Variants in MAP4K3 observed in about 807,000 individuals in gnomAD.
MAP4K3 encodes MAPK/ERK kinase kinase kinase 3.
Under a neutral mutation model 143.5 loss-of-function variants are expected in MAP4K3, and 94 were observed. That is an observed-to-expected ratio of 0.65 (90% confidence interval 0.55 to 0.78). The LOEUF (loss-of-function observed/expected upper bound fraction) is 0.78. Among genes scored for constraint, MAP4K3 ranks in the 30% least tolerant of loss-of-function variants. The pLI, the probability that MAP4K3 is intolerant of heterozygous loss-of-function variation, is 0.00. For synonymous variants in MAP4K3, 416 were observed against 347.2 expected (o/e 1.20, Z -2.20); for missense variants, 1,077 against 1,068.1 (o/e 1.01, Z -0.12).
At chr2:39,399,486 T>C (rs747244001) in intron 1 of MAP4K3, among the ~76,000 whole-genome samples, 3 of 152,202 alleles carry the variant, frequency 2.0e-5, no homozygotes, top group Non-Finnish European at 4.4e-5. Flanking sequence ...GGGAACCATC[T>C]CATTTCCATC....
At chr2:39,352,052 G>T (rs1665475875) in intron 3 of MAP4K3, among the ~76,000 whole-genome samples, 1 of 152,184 alleles carries the variant, frequency 6.6e-6, no homozygotes, top group African/African-American at 2.4e-5. Flanking sequence ...AGGAGCATTT[G>T]TTGGCCAGGC....
chr2:39,437,084 T>G lies in MAP4K3; in HGVS notation c.-97A>C. ...GAGGGCGCCGCGGCCGGCTCCCGGC[T>G]CCCCCGGCGGTCACAATCACCCGGC... On this transcript the variant is annotated 5_prime_UTR_variant, in exon 1 of 34. Transcript: ENST00000263881. The G allele has an allele frequency of 1.2e-6, 1 of 861,188 alleles. No individual in the cohort carries two copies. Among genetic ancestry groups the G allele is most frequent in the Non-Finnish European group, 1.7e-6 (1 of 594,412 alleles). 53.3% of individuals were successfully genotyped at this position (861,188 alleles called of 1,614,324 possible). A position where few individuals can be genotyped will look rare whatever the true frequency, so the allele number is the denominator to read the frequency against.
chr2:39,424,404 A>G (rs925181404), intron 1 of MAP4K3, among the ~76,000 whole-genome samples: 20 of 152,070 alleles, frequency 1.3e-4, no homozygotes, highest in Middle Eastern at 6.3e-3. Context: ...GTGCTTGGGG[A>G]TTTTAAAACC....
chr2:39,393,589 TTTTAG>T (rs1449247017), intron 1 of MAP4K3, among the ~76,000 whole-genome samples: 7 of 152,332 alleles, frequency 4.6e-5, no homozygotes, highest in Non-Finnish European at 7.4e-5. Flanking sequence ...ATCATTCCAA[TTTTAG>T]TATATGTGCT....
chr2:39,308,139 G>A (rs1682786007), intron 14 of MAP4K3, 134 bp from the exon 15 acceptor site: 5 of 471,790 alleles, frequency 1.1e-5, no homozygotes, highest in Non-Finnish European at 1.8e-5. Flanking sequence ...GAGTCAAACT[G>A]TATTAGGCAG....
intron 17 of MAP4K3, 66 bp from the exon 18 acceptor site, chr2:39,292,892 A>G: frequency 7.5e-7 from 1 of 1,332,196 alleles, no homozygotes; most frequent in Non-Finnish European, 1.1e-6. Flanking sequence ...AAGAAATTTT[A>G]GAAAATGCAG....
chr2:39,308,620 T>C lies in MAP4K3; in HGVS notation c.1057-615A>G, dbSNP rs934035695. 2.6e-5 allele frequency among the ~76,000 whole-genome samples: 4 copies of C among 152,206 alleles called. 1 individual carries two copies. In the South Asian group the frequency reaches 6.2e-4, roughly 24 times the overall value. On this transcript the variant is annotated intron_variant, in intron 14 of 33. Coordinates refer to ENST00000263881, the MANE Select transcript of MAP4K3 (RefSeq NM_003618.4). ...TGGAACTCTGGCAAAATAATTTCTT[T>C]AGAATTTTGTATTTTCCAATGTCTC...
chr2:39,272,379 G>C lies in MAP4K3; in HGVS notation c.1877C>G (p.Ser626Cys). The C allele has an allele frequency of 6.2e-7, 1 of 1,613,292 alleles. No individual in the cohort carries two copies. The highest frequency in any genetic ancestry group is 8.5e-7 in the Non-Finnish European group (1 of 1,179,508). The change falls in exon 26 of 34, where the codon TCC (serine) becomes TGC (cysteine). Residue 626 changes from serine to cysteine, a missense_variant. By Grantham distance (112) the Ser-to-Cys change is moderately radical. Around this residue, in one of 2 missense-constraint regions of MAP4K3, gnomAD observed 864 missense variants for 801.2 expected, o/e 1.08. Coordinates refer to ENST00000263881, the MANE Select transcript of MAP4K3 (RefSeq NM_003618.4). ...SISGKASQLY[S>C]HNLPGLFDYA... ...ATCAAAAAGCCCTGGTAAATTATGG[G>C]AATAAAGCTGAGAAGCTTTACCTAT...
At chr2:39,384,882 A>T (rs1416391983) in intron 1 of MAP4K3, among the ~76,000 whole-genome samples, 1 of 152,266 alleles carries the variant, frequency 6.6e-6, no homozygotes, top group Non-Finnish European at 1.5e-5. Flanking sequence ...AGAAAGTTCC[A>T]TCACTGCAAA....
At chr2:39,313,253 T>C (rs1436106124) in intron 13 of MAP4K3, among the ~76,000 whole-genome samples, 1 of 152,206 alleles carries the variant, frequency 6.6e-6, no homozygotes, top group Non-Finnish European at 1.5e-5. Flanking sequence ...AGGGTACATA[T>C]GCAGGTTTGT....
intron 1 of MAP4K3, among the ~76,000 whole-genome samples, chr2:39,385,508 T>C (rs1302547107): frequency 6.8e-6 from 1 of 147,826 alleles, no homozygotes; most frequent in Non-Finnish European, 1.5e-5. Context: ...ATCCATGTTT[T>C]TAACTGGAAT....
intron 32 of MAP4K3, among the ~76,000 whole-genome samples, chr2:39,252,893 G>A (rs1416284009): frequency 6.6e-6 from 1 of 152,216 alleles, no homozygotes; most frequent in Non-Finnish European, 1.5e-5. Flanking sequence ...CCTACTAGAA[G>A]AAGCTAACAT....
At chr2:39,328,759 T>C (rs1177918463) in intron 8 of MAP4K3, among the ~76,000 whole-genome samples, 5 of 152,244 alleles carry the variant, frequency 3.3e-5, no homozygotes, top group African/African-American at 1.2e-4. Context: ...AGTTGATGCA[T>C]TGGGGTGTGT....
intron 23 of MAP4K3, 147 bp from the exon 24 acceptor site, chr2:39,278,633 C>T (rs1432312368): frequency 1.9e-6 from 1 of 527,796 alleles, no homozygotes; most frequent in South Asian, 3.3e-5. Context: ...AGAGGTTAGA[C>T]ACTTTAGACC....
chr2:39,315,921 G>A (rs1268590185), intron 12 of MAP4K3, among the ~76,000 whole-genome samples: 1 of 152,068 alleles, frequency 6.6e-6, no homozygotes, highest in Non-Finnish European at 1.5e-5. Context: ...ATTTATAGAT[G>A]ATGTAGGATA....
intron 12 of MAP4K3, among the ~76,000 whole-genome samples, chr2:39,321,237 T>C (rs7425616): frequency 0.74 from 113,216 of 152,038 alleles, 45,655 homozygotes; most frequent in Non-Finnish European, 0.9. Context: ...CATTTTGTTC[T>C]ATACTAAAAA....
chr2:39,309,481 T>TC lies in MAP4K3; in HGVS notation c.1035dup (p.Thr346AspfsTer6). ...CTTACAAGTTCATGATGTGGTTCTG[T>TC]CTCCTTTCTTAAGGGTGGATCAAAT... On this transcript the variant is annotated frameshift_variant, in exon 14 of 34. Transcript: ENST00000263881. LOFTEE classifies it high-confidence loss of function. 6.3e-7 allele frequency: 1 copy of TC among 1,594,580 alleles called. No homozygotes were observed. The highest frequency in any genetic ancestry group is 8.5e-7 in the Non-Finnish European group (1 of 1,172,928).
rs2373533 is a variant in MAP4K3, at chr2:39,389,990, T to C, written c.97-11867A>G. 8.1e-3 allele frequency among the ~76,000 whole-genome samples: 1,226 copies of C among 152,288 alleles called. 17 individuals are homozygous for C. The highest frequency in any genetic ancestry group is 0.028 in the African/African-American group (1,176 of 41,552). On this transcript the variant is annotated intron_variant, in intron 1 of 33. Coordinates refer to ENST00000263881, the MANE Select transcript of MAP4K3 (RefSeq NM_003618.4). The stretch of plus-strand genomic sequence containing the variant: ...AAATTGCTCTGAAGACTTTATACAG[T>C]TTGCGAAGTGGACAGAGTTAGTGAA...
chr2:39,315,354 G>T lies in MAP4K3; in HGVS notation c.953C>A (p.Thr318Lys). Residue 318 changes from threonine (T) to lysine (K), a missense_variant, in exon 13 of 34, where the codon ACA (threonine) becomes AAA (lysine). Physicochemically the swap from Thr to Lys is moderately conservative, Grantham distance 78. Coordinates refer to ENST00000263881, the MANE Select transcript of MAP4K3 (RefSeq NM_003618.4). ...LVAVPHRIHS[T>K]SRNVREEKTR... ...TTTTTCTTCTCTCACGTTTCTACTTGTTGAGTGAATTCTATGTGGTACAGC... is the reference window on the plus strand; with the variant it reads ...TTTTTCTTCTCTCACGTTTCTACTTTTTGAGTGAATTCTATGTGGTACAGC... The T allele has an allele frequency of 6.2e-7, 1 of 1,612,462 alleles. No individual in the cohort carries two copies. The highest frequency in any genetic ancestry group is 8.5e-7 in the Non-Finnish European group (1 of 1,179,044).
Sources: allele counts gnomAD v4.1 joint callset (sites outside exome capture counted in the v4.1 genomes callset), GRCh38; gene constraint gnomAD v4.1.1; regional missense constraint gnomAD v4.1.1; transcripts MANE v1.5; gene names NCBI Gene and HGNC (gene_info 2026-07-23, HGNC 2026-07-21).